FAF1: variants seen among roughly 807,000 people sequenced by gnomAD.
FAF1 encodes Fas associated factor 1.
A neutral mutation model predicts 92.5 loss-of-function variants in FAF1; 25 were observed. That is an observed-to-expected ratio of 0.27 (90% CI 0.20 to 0.38). The LOEUF is 0.38. Ranked by LOEUF, FAF1 falls within the 10% of genes least tolerant of loss-of-function variation. The probability of loss-of-function intolerance (pLI) is 1.00; values close to 1 mark genes in which losing one functional copy is unlikely to be tolerated. For synonymous variants in FAF1, 234 were observed against 273.2 expected, an observed-to-expected ratio of 0.86 and a Z score of 1.42; for missense variants, 636 against 793.3, an observed-to-expected ratio of 0.80 and a Z score of 2.38.
chr1:50,527,868 C>CCTCTCTCTCTCTCTCTCTCTCTCT (rs1332650562), intron 15 of FAF1, among the ~76,000 whole-genome samples: 5 of 57,180 alleles, frequency 8.7e-5, no homozygotes, highest in Non-Finnish European at 9.6e-5. Flanking sequence ...TCCCTCTCTC[C>CCTCTCTCTCTCTCTCTCTCTCTCT]CTCTCTCTCT....
intron 7 of FAF1, among the ~76,000 whole-genome samples, chr1:50,661,366 G>A (rs1655368344): frequency 6.6e-6 from 1 of 151,896 alleles, no homozygotes; most frequent in Non-Finnish European, 1.5e-5. Flanking sequence ...TTGAAATCTG[G>A]CCCACGATTC....
intron 2 of FAF1, among the ~76,000 whole-genome samples, chr1:50,833,454 A>G (rs911582630): frequency 2.6e-5 from 4 of 152,158 alleles, no homozygotes; most frequent in Admixed American, 1.3e-4. Context: ...AGGTATGCCA[A>G]CATCTCAGCA....
intron 3 of FAF1, among the ~76,000 whole-genome samples, chr1:50,788,926 G>A (rs1308481333): frequency 6.6e-6 from 1 of 152,044 alleles, no homozygotes; most frequent in Non-Finnish European, 1.5e-5. Context: ...CAAACTCCTG[G>A]ACTCCAGCAA....
intron 5 of FAF1, among the ~76,000 whole-genome samples, chr1:50,739,245 T>G (rs1659268463): frequency 6.6e-6 from 1 of 152,058 alleles, no homozygotes; most frequent in Non-Finnish European, 1.5e-5. Flanking sequence ...CATATATATG[T>G]GTGTCTATAT....
chr1:50,959,866 C>A lies in FAF1; in HGVS notation c.-55G>T. On this transcript the variant is annotated 5_prime_UTR_variant, in exon 1 of 19. Coordinates refer to ENST00000396153, the MANE Select transcript of FAF1 (RefSeq NM_007051.3). ...GCGAAGCGCGCACCTGGGAGGCAGA[C>A]GGCACCTCCTGCGACCGTCGCCGCC... The A allele has an allele frequency of 1.4e-6, 2 of 1,394,126 alleles. No individual in the cohort carries two copies. The highest frequency in any genetic ancestry group is 1.4e-5 in the South Asian group (1 of 72,770). 86.4% of individuals were successfully genotyped at this position (1,394,126 alleles called of 1,614,324 possible). A position where few individuals can be genotyped will look rare whatever the true frequency, so the allele number is the denominator to read the frequency against.
chr1:50,819,727 A>G (rs866122482), intron 2 of FAF1, among the ~76,000 whole-genome samples: 1 of 8,850 alleles, frequency 1.1e-4, no homozygotes, highest in Non-Finnish European at 2.4e-4. Context: ...GTATATATAT[A>G]TACATATATA....
intron 18 of FAF1, among the ~76,000 whole-genome samples, chr1:50,469,159 T>G (rs970535049): frequency 1.3e-5 from 2 of 152,196 alleles, no homozygotes; most frequent in Admixed American, 6.5e-5. Flanking sequence ...TACCTAAAAA[T>G]TCAGGTGTCC....
chr1:50,592,958 A>G (rs1326648063), intron 9 of FAF1, among the ~76,000 whole-genome samples: 1 of 151,940 alleles, frequency 6.6e-6, no homozygotes, highest in Admixed American at 6.6e-5. Flanking sequence ...AAAAAGAAAG[A>G]AAGATGATTG....
At chr1:50,729,553 T>C (rs561495466) in intron 6 of FAF1, among the ~76,000 whole-genome samples, 2 of 151,820 alleles carry the variant, frequency 1.3e-5, no homozygotes, top group Non-Finnish European at 2.9e-5. Context: ...ATTACAGGCA[T>C]GTGCCACCAT....
chr1:50,639,662 G>A (rs547187302), intron 8 of FAF1, among the ~76,000 whole-genome samples: 16 of 151,724 alleles, frequency 1.1e-4, no homozygotes, highest in African/African-American at 3.9e-4. Flanking sequence ...TTGGCTGGGC[G>A]CGGTGGCTAA....
chr1:50,723,273 C>A (rs1658487304), intron 6 of FAF1, among the ~76,000 whole-genome samples: 1 of 151,866 alleles, frequency 6.6e-6, no homozygotes, highest in South Asian at 2.1e-4. Context: ...TGGCGGCATG[C>A]TCCTGCAGTC....
intron 1 of FAF1, among the ~76,000 whole-genome samples, chr1:50,915,274 G>A (rs1644911720): frequency 6.6e-6 from 1 of 151,680 alleles, no homozygotes; most frequent in Non-Finnish European, 1.5e-5. Flanking sequence ...GGAGGCTGAG[G>A]CACGAGAATC....
At chr1:50,793,838 A>T (rs77311965) in intron 3 of FAF1, among the ~76,000 whole-genome samples, 3 of 152,346 alleles carry the variant, frequency 2.0e-5, no homozygotes, top group Non-Finnish European at 4.4e-5. Context: ...GAATTGCATA[A>T]GCAGCAAGTA....
intron 4 of FAF1, among the ~76,000 whole-genome samples, chr1:50,778,083 A>T (rs746618312): frequency 1.3e-5 from 2 of 152,214 alleles, no homozygotes; most frequent in Non-Finnish European, 2.9e-5. Flanking sequence ...TGGTATTTTC[A>T]TATAATAGAA....
At chr1:50,794,980 A>G (rs1661693238) in intron 3 of FAF1, among the ~76,000 whole-genome samples, 1 of 152,156 alleles carries the variant, frequency 6.6e-6, no homozygotes, top group African/African-American at 2.4e-5. Context: ...AAGGCTAAGC[A>G]ATTTAAAAAA....
intron 7 of FAF1, among the ~76,000 whole-genome samples, chr1:50,681,069 C>T (rs757044427): frequency 2.0e-5 from 3 of 152,042 alleles, no homozygotes; most frequent in Non-Finnish European, 2.9e-5. Context: ...TGATTTGAGA[C>T]AGAGTCTCGC....
chr1:50,765,350 A>G (rs1478219762), intron 4 of FAF1, among the ~76,000 whole-genome samples: 2 of 152,208 alleles, frequency 1.3e-5, no homozygotes, highest in Non-Finnish European at 2.9e-5. Flanking sequence ...AATTTTAACC[A>G]ATACATTATC....
Position 50,771,573 on chromosome 1 carries a change from A to G in FAF1, c.367+16427T>C, listed in dbSNP as rs74863417. ...CAAGTCAAAACCACAATGAGATACC[A>G]TGTTATACCAGTCAGAATGGCTATT... On this transcript the variant is annotated intron_variant, in intron 4 of 18. Transcript: ENST00000396153. 8.0e-3 allele frequency among the ~76,000 whole-genome samples: 1,220 copies of G among 152,264 alleles called. 14 individuals carry two copies. The highest frequency in any genetic ancestry group is 0.028 in the African/African-American group (1,178 of 41,556).
chr1:50,476,782 T>A (rs1188924754), intron 17 of FAF1, among the ~76,000 whole-genome samples: 1 of 151,550 alleles, frequency 6.6e-6, no homozygotes, highest in Non-Finnish European at 1.5e-5. Flanking sequence ...AATAAAAAAA[T>A]TTAAAAGCTA....
Sources: allele counts gnomAD v4.1 joint callset (sites outside exome capture counted in the v4.1 genomes callset), GRCh38; gene constraint gnomAD v4.1.1; transcripts MANE v1.5; gene names NCBI Gene and HGNC (gene_info 2026-07-23, HGNC 2026-07-21).